Variants in COL28A1 observed in about 807,000 individuals in gnomAD.
COL28A1 encodes collagen type XXVIII alpha 1 chain.
Under a neutral mutation model 150.2 loss-of-function variants are expected in COL28A1, and 161 were observed. The observed-to-expected ratio is 1.07, with a 90% confidence interval of 0.94 to 1.22. The LOEUF (loss-of-function observed/expected upper bound fraction) is 1.22, where lower values mean the gene tolerates loss of function less well. Ranked by LOEUF, COL28A1 falls within the 50% of genes most tolerant of loss-of-function variation. The pLI, the probability that COL28A1 is intolerant of heterozygous loss-of-function variation, is 0.00. For synonymous variants in COL28A1, 552 were observed against 469.7 expected (o/e 1.18, Z -2.26); for missense variants, 1,617 against 1,388.3 (o/e 1.16, Z -2.62).
chr7:7,527,851 G>A (rs1024670724), intron 3 of COL28A1, among the ~76,000 whole-genome samples: 2 of 152,054 alleles, frequency 1.3e-5, no homozygotes, highest in African/African-American at 4.8e-5. Flanking sequence ...TGTGAGGGAT[G>A]GACAAATATC....
intron 7 of COL28A1, among the ~76,000 whole-genome samples, chr7:7,517,507 A>G (rs1781480028): frequency 6.6e-6 from 1 of 152,210 alleles, no homozygotes; most frequent in African/African-American, 2.4e-5. Flanking sequence ...CTTAAGAAAT[A>G]AAGCAAACAG....
intron 8 of COL28A1, among the ~76,000 whole-genome samples, chr7:7,513,132 T>C (rs915629191): frequency 5.9e-5 from 9 of 152,214 alleles, no homozygotes; most frequent in South Asian, 2.1e-4. Context: ...CAGTGCTCTA[T>C]GGAGGGAAAT....
chr7:7,372,590 T>C (rs1030167360), intron 32 of COL28A1, among the ~76,000 whole-genome samples: 1 of 152,132 alleles, frequency 6.6e-6, no homozygotes, highest in African/African-American at 2.4e-5. Context: ...TTTTTTTTCA[T>C]TCAGCAGGTA....
chr7:7,362,557 C>A (rs1192220587), intron 33 of COL28A1, among the ~76,000 whole-genome samples: 1 of 152,216 alleles, frequency 6.6e-6, no homozygotes, highest in South Asian at 2.1e-4. Flanking sequence ...TACTATTACT[C>A]ATGTATGCGT....
intron 10 of COL28A1, 21 bp from the exon 11 acceptor site, chr7:7,506,088 A>G: frequency 3.3e-6 from 4 of 1,212,958 alleles, no homozygotes; most frequent in Middle Eastern, 1.9e-4. Flanking sequence ...ATGAAAACCA[A>G]GAATTAGTTC....
At chr7:7,517,290 T>C (rs1397531454) in intron 7 of COL28A1, among the ~76,000 whole-genome samples, 1 of 152,174 alleles carries the variant, frequency 6.6e-6, no homozygotes, top group African/African-American at 2.4e-5. Flanking sequence ...TTTGATACAC[T>C]TACTGCAATG....
At chr7:7,407,150 T>A (rs2128302111) in intron 27 of COL28A1, among the ~76,000 whole-genome samples, 1 of 151,964 alleles carries the variant, frequency 6.6e-6, no homozygotes, top group African/African-American at 2.4e-5. Context: ...ATGATTAGAT[T>A]GAAAAAATAT....
intron 28 of COL28A1, 129 bp from the exon 29 acceptor site, chr7:7,380,991 A>C: frequency 1.4e-6 from 1 of 737,284 alleles, no homozygotes; most frequent in South Asian, 1.7e-5. Context: ...ATACAAATGC[A>C]GTATTTGAAA....
At chr7:7,363,849 C>A (rs1270039066) in intron 33 of COL28A1, among the ~76,000 whole-genome samples, 1 of 152,188 alleles carries the variant, frequency 6.6e-6, no homozygotes, top group South Asian at 2.1e-4. Flanking sequence ...AGCACGATCT[C>A]GGCTCACTGC....
At chr7:7,489,322 T>C (rs1373832462) in intron 13 of COL28A1, 67 bp downstream of exon 13, 8 of 854,792 alleles carry the variant, frequency 9.4e-6, no homozygotes, top group Non-Finnish European at 1.6e-5. Flanking sequence ...CCATTTATCC[T>C]AAACAGAAAG....
At chr7:7,521,852 A>G (rs1781742867) in intron 5 of COL28A1, 53 bp downstream of exon 5, 1 of 852,240 alleles carries the variant, frequency 1.2e-6, no homozygotes, top group Non-Finnish European at 2.1e-6. Flanking sequence ...GAGCGAGTAG[A>G]GCTATCATTG....
At chr7:7,464,227 C>T (rs140013973) in intron 15 of COL28A1, among the ~76,000 whole-genome samples, 154 of 152,278 alleles carry the variant, frequency 1.0e-3, no homozygotes, top group African/African-American at 3.5e-3. Context: ...CACTTCAATA[C>T]TGCACTGACA....
Position 7,452,327 on chromosome 7 carries a change from C to T in COL28A1, c.1501G>A (p.Gly501Ser). Residue 501 changes from glycine to serine, a missense_variant, in exon 18 of 35, where the codon GGT becomes AGT. Gly to Ser is a moderately conservative substitution (Grantham distance 56). Coordinates refer to ENST00000399429, the MANE Select transcript of COL28A1 (RefSeq NM_001037763.3). ...AGCAGCAGTCAACTCACCTTTGGAC[C>T]TTGTACTCCAATTCCCACTGGTCCT... is the stretch of plus-strand genomic sequence containing the variant. ...PRGPVGIGVQ[G>S]PKGEPGSIGL... is the part of the protein sequence containing the mutation. 6.2e-7 allele frequency: 1 copy of T among 1,604,896 alleles called. No individual in the cohort carries two copies. The highest frequency in any genetic ancestry group is 8.5e-7 in the Non-Finnish European group (1 of 1,177,942).
intron 18 of COL28A1, among the ~76,000 whole-genome samples, chr7:7,451,928 G>A (rs188972059): frequency 2.0e-5 from 3 of 152,188 alleles, no homozygotes; most frequent in Admixed American, 6.5e-5. Context: ...GAAGTTGAGC[G>A]CTCAACTGGC....
At chr7:7,379,524 T>C (rs1781748353) in intron 30 of COL28A1, among the ~76,000 whole-genome samples, 1 of 152,118 alleles carries the variant, frequency 6.6e-6, no homozygotes, top group Non-Finnish European at 1.5e-5. Flanking sequence ...ATCTTTGTTG[T>C]CTTTCTCTCC....
At chr7:7,395,863 A>G (rs1782804001) in intron 27 of COL28A1, among the ~76,000 whole-genome samples, 1 of 152,194 alleles carries the variant, frequency 6.6e-6, no homozygotes, top group African/African-American at 2.4e-5. Context: ...ATTGCTAATT[A>G]GGAACCGGGG....
At chr7:7,442,417 A>G (rs1457280193) in intron 20 of COL28A1, among the ~76,000 whole-genome samples, 1 of 152,150 alleles carries the variant, frequency 6.6e-6, no homozygotes. Flanking sequence ...CACATCCTAA[A>G]AACAATTCTC....
chr7:7,467,890 A>G (rs1788163060), intron 15 of COL28A1, among the ~76,000 whole-genome samples: 1 of 145,332 alleles, frequency 6.9e-6, no homozygotes, highest in Admixed American at 6.8e-5. Flanking sequence ...GCAGAAATAA[A>G]GATGTTCTTT....
chr7:7,498,177 A>C (rs1217544563), intron 11 of COL28A1, among the ~76,000 whole-genome samples: 1 of 152,190 alleles, frequency 6.6e-6, no homozygotes, highest in Non-Finnish European at 1.5e-5. Context: ...ATGTGTTTCA[A>C]CTAATAGGAA....
Sources: allele counts gnomAD v4.1 joint callset (sites outside exome capture counted in the v4.1 genomes callset), GRCh38; gene constraint gnomAD v4.1.1; transcripts MANE v1.5; gene names NCBI Gene and HGNC (gene_info 2026-07-23, HGNC 2026-07-21).